The following ST6GAL1 variants were observed in gnomAD, a reference collection of about 807,000 sequenced individuals.
ST6GAL1 encodes ST6 beta-galactoside alpha-2,6-sialyltransferase 1.
In ST6GAL1, 20 loss-of-function variants were observed where a neutral mutation model predicts 38.0. That is an observed-to-expected ratio of 0.53 (90% CI 0.37 to 0.77). The LOEUF is 0.77. ST6GAL1 is among the 30% of genes least tolerant of loss of function. The pLI is 0.00. For synonymous variants in ST6GAL1, 196 were observed against 188.2 expected, an observed-to-expected ratio of 1.04 and a Z score of -0.34; for missense variants, 432 against 496.4, an observed-to-expected ratio of 0.87 and a Z score of 1.23.
chr3:186,947,397 C>G (rs1714407375), intron 1 of ST6GAL1, among the ~76,000 whole-genome samples: 1 of 152,166 alleles, frequency 6.6e-6, no homozygotes, highest in Non-Finnish European at 1.5e-5. Flanking sequence ...GCTCCCTGTG[C>G]TGCCTGCACA....
Position 187,075,527 on chromosome 3 carries a change from T to G in ST6GAL1, c.980-35T>G. The stretch of plus-strand genomic sequence containing the variant: ...AGAGCTCTGGGGTGCTGGGGTGGGT[T>G]GTCAGGCATGACTCACCTCTGCTCC... On this transcript the variant is annotated intron_variant, in intron 7 of 7. Coordinates refer to ENST00000169298, the MANE Select transcript of ST6GAL1 (RefSeq NM_173216.2). This position sits in a 1 kb window ranked among gnomAD's most constrained non-coding sequence, Gnocchi z 4.1. 1 of 1,607,012 alleles carries G rather than the reference T, an allele frequency of 6.2e-7. No homozygotes were observed. Among genetic ancestry groups the G allele is most frequent in the Non-Finnish European group, 8.5e-7 (1 of 1,174,654 alleles).
chr3:186,999,498 G>T lies in ST6GAL1; in HGVS notation c.-183+35572G>T, dbSNP rs554725974. On this transcript the variant is annotated intron_variant, in intron 2 of 7. Coordinates refer to ENST00000169298, the MANE Select transcript of ST6GAL1 (RefSeq NM_173216.2). ...ACGATCTCGGCTCACTGCAAGCTCC[G>T]CCTCCCTGGTTCAGGCCATTCTCCT... 3.4e-4 allele frequency among the ~76,000 whole-genome samples: 50 copies of T among 148,652 alleles called. No homozygotes were observed. The South Asian group carries it at 5.3e-3, about 16-fold the overall frequency.
intron 4 of ST6GAL1, among the ~76,000 whole-genome samples, chr3:187,045,685 C>T (rs1718269050): frequency 1.3e-5 from 2 of 152,198 alleles, no homozygotes; most frequent in Non-Finnish European, 2.9e-5. Flanking sequence ...GCTTCAAAGA[C>T]CCCACTCTTG....
At chr3:187,054,772 G>A (rs1718634065) in intron 5 of ST6GAL1, among the ~76,000 whole-genome samples, 1 of 151,914 alleles carries the variant, frequency 6.6e-6, no homozygotes, top group Admixed American at 6.6e-5. Flanking sequence ...TTTTTGTTTT[G>A]TCTCTGCTAG....
At chr3:187,001,098 A>AC (rs951257351) in intron 2 of ST6GAL1, among the ~76,000 whole-genome samples, 3 of 152,200 alleles carry the variant, frequency 2.0e-5, no homozygotes, top group African/African-American at 7.2e-5. Flanking sequence ...CCGAAGACCC[A>AC]CAGGTTTCAA....
intron 2 of ST6GAL1, among the ~76,000 whole-genome samples, chr3:187,021,698 G>C (rs1188498999): frequency 7.0e-6 from 1 of 142,302 alleles, no homozygotes; most frequent in Non-Finnish European, 1.5e-5. Flanking sequence ...TCAAGATCAT[G>C]CTACTGCACT....
At chr3:186,938,476 A>G (rs1197349797) in intron 1 of ST6GAL1, among the ~76,000 whole-genome samples, 1 of 152,220 alleles carries the variant, frequency 6.6e-6, no homozygotes, top group African/African-American at 2.4e-5. Context: ...GTATACAAGA[A>G]GCATTCAGTT....
chr3:187,019,915 G>C (rs1717239058), intron 2 of ST6GAL1, among the ~76,000 whole-genome samples: 2 of 152,222 alleles, frequency 1.3e-5, no homozygotes, highest in South Asian at 4.1e-4. Flanking sequence ...ACTGTAGTTG[G>C]TGTGATAAAG....
At chr3:187,024,069 A>G (rs1579331360) in intron 2 of ST6GAL1, among the ~76,000 whole-genome samples, 1 of 151,514 alleles carries the variant, frequency 6.6e-6, no homozygotes, top group African/African-American at 2.4e-5. Context: ...TATATGTTTT[A>G]TATATATACA....
intron 1 of ST6GAL1, among the ~76,000 whole-genome samples, chr3:186,934,072 G>C (rs2108511830): frequency 6.6e-6 from 1 of 152,374 alleles, no homozygotes; most frequent in South Asian, 2.1e-4. Context: ...AGAAGAGAGA[G>C]GCGCCACTTA....
chr3:186,993,334 T>G (rs1716240759), intron 2 of ST6GAL1, among the ~76,000 whole-genome samples: 1 of 152,234 alleles, frequency 6.6e-6, no homozygotes. Context: ...AGTTAAGATT[T>G]CCCGTTTTTG....
At chr3:187,003,578 T>G (rs1029982144) in intron 2 of ST6GAL1, among the ~76,000 whole-genome samples, 7 of 152,244 alleles carry the variant, frequency 4.6e-5, no homozygotes, top group Admixed American at 3.3e-4. Flanking sequence ...TTTGTAGTTT[T>G]CAGTAAAAAG....
In ST6GAL1 at chr3:187,078,234, C is replaced by T. The variant is rs1227298927; in HGVS notation, c.*2431C>T. The T allele has an allele frequency of 6.6e-6, 1 of 152,378 alleles. No homozygotes were observed. The highest frequency in any genetic ancestry group is 1.5e-5 in the Non-Finnish European group (1 of 68,006). The allele number at this position is 152,378 out of a possible 1,614,324, so 9.4% of individuals were successfully genotyped here. A position where few individuals can be genotyped will look rare whatever the true frequency, so the allele number is the denominator to read the frequency against. On this transcript the variant is annotated 3_prime_UTR_variant, in exon 8 of 8. Transcript: ENST00000169298. Reference sequence around the variant, plus strand: ...TCTGAAGTCTACAGAACTTTTAGTTCTGTGCTGTCTATGTGGACACTTTGG... The same window carrying T: ...TCTGAAGTCTACAGAACTTTTAGTTTTGTGCTGTCTATGTGGACACTTTGG...
intron 2 of ST6GAL1, among the ~76,000 whole-genome samples, chr3:187,018,099 C>T (rs1353607519): frequency 6.6e-6 from 1 of 152,182 alleles, no homozygotes; most frequent in Non-Finnish European, 1.5e-5. Flanking sequence ...ATAACTGCTA[C>T]TCTGCCTTTG....
chr3:187,017,689 T>A lies in ST6GAL1; in HGVS notation c.-182-21053T>A, dbSNP rs1044111063. ...TGACTTTAAGGAGAGGTAGTTGCAC[T>A]TCAGTGATTCTGGCAATTAGAAAAT... On this transcript the variant is annotated intron_variant, in intron 2 of 7. Coordinates refer to ENST00000169298, the MANE Select transcript of ST6GAL1 (RefSeq NM_173216.2). Among the ~76,000 whole-genome samples, 7 of 152,334 alleles carry A rather than the reference T, an allele frequency of 4.6e-5. No individual in the cohort carries two copies. The South Asian group carries it at 1.5e-3, about 32-fold the overall frequency.
At chr3:187,036,880 C>T (rs1279285581) in intron 2 of ST6GAL1, among the ~76,000 whole-genome samples, 1 of 152,188 alleles carries the variant, frequency 6.6e-6, no homozygotes, top group Non-Finnish European at 1.5e-5. Flanking sequence ...CCCCCTGAAT[C>T]TAACATATAA....
intron 2 of ST6GAL1, among the ~76,000 whole-genome samples, chr3:187,016,100 C>T (rs953117117): frequency 2.0e-5 from 3 of 152,184 alleles, no homozygotes; most frequent in Admixed American, 6.5e-5. Flanking sequence ...CACTTTTCAT[C>T]CTTCCTTTCT....
intron 5 of ST6GAL1, among the ~76,000 whole-genome samples, chr3:187,062,574 T>TCTCACACACACACA (rs111275733): frequency 6.9e-6 from 1 of 143,916 alleles, no homozygotes; most frequent in East Asian, 2.1e-4. Flanking sequence ...AATAAGCCAG[T>TCTCACACACACACA]CACACACACA....
At chr3:186,932,169 C>G (rs570259094) in intron 1 of ST6GAL1, among the ~76,000 whole-genome samples, 1 of 152,346 alleles carries the variant, frequency 6.6e-6, no homozygotes, top group South Asian at 2.1e-4. Context: ...AGCCTCCAAT[C>G]CTATTCCGCT....
Sources: gnomAD v4.1 joint callset for allele counts (sites outside exome capture counted in the v4.1 genomes callset) on GRCh38, gnomAD v4.1.1 for gene constraint, Gnocchi (gnomAD v3.1) non-coding constraint, MANE v1.5 for transcripts, NCBI Gene and HGNC (gene_info 2026-07-23, HGNC 2026-07-21) for gene names.